The following ANKS1A variants were observed in gnomAD, a reference collection of about 807,000 sequenced individuals.
The protein encoded by ANKS1A is ankyrin repeat and SAM domain-containing protein 1A.
ANKS1A carries 55 observed loss-of-function variants against 120.3 expected under a neutral mutation model. The ratio of observed to expected loss-of-function variants is 0.46; its 90% CI spans 0.37 to 0.57. ANKS1A has a LOEUF of 0.57. Among genes scored for constraint, ANKS1A ranks in the 20% least tolerant of loss-of-function variants. The pLI, the probability that ANKS1A is intolerant of heterozygous loss-of-function variation, is 0.00. For synonymous variants in ANKS1A, 590 were observed against 604.7 expected, an observed-to-expected ratio of 0.98 and a Z score of 0.36; for missense variants, 1,123 against 1,480.3, an observed-to-expected ratio of 0.76 and a Z score of 3.96.
intron 1 of ANKS1A, among the ~76,000 whole-genome samples, chr6:34,962,842 T>G (rs1038501207): frequency 6.6e-6 from 1 of 151,016 alleles, no homozygotes; most frequent in Non-Finnish European, 1.5e-5. Flanking sequence ...ACTTAGTGCT[T>G]TTTTCTTTCT....
chr6:34,905,562 C>T (rs911218816), intron 1 of ANKS1A, among the ~76,000 whole-genome samples: 8 of 152,212 alleles, frequency 5.3e-5, no homozygotes, highest in African/African-American at 1.4e-4. Context: ...CACAACATGC[C>T]TGCAAGATAA....
chr6:34,937,981 T>A (rs1428458657), intron 1 of ANKS1A, among the ~76,000 whole-genome samples: 2 of 148,982 alleles, frequency 1.3e-5, no homozygotes, highest in Non-Finnish European at 3.0e-5. Flanking sequence ...TTCCACAGCT[T>A]CTCCCACCCT....
intron 3 of ANKS1A, among the ~76,000 whole-genome samples, chr6:34,971,895 C>A (rs577999920): frequency 8.5e-5 from 13 of 152,194 alleles, no homozygotes; most frequent in Admixed American, 2.6e-4. Context: ...CATTTAAAAT[C>A]ATCAGTGAGG....
At chr6:34,925,362 G>A (rs1768657623) in intron 1 of ANKS1A, among the ~76,000 whole-genome samples, 1 of 152,194 alleles carries the variant, frequency 6.6e-6, no homozygotes, top group South Asian at 2.1e-4. Context: ...TGACATCAAG[G>A]GTGAGGGGAA....
intron 3 of ANKS1A, among the ~76,000 whole-genome samples, chr6:34,971,686 C>G (rs965811288): frequency 6.6e-6 from 1 of 152,218 alleles, no homozygotes; most frequent in African/African-American, 2.4e-5. Context: ...GCAAGTCCAT[C>G]TGTCAGGAGA....
At chr6:34,969,509 C>A (rs1771074398) in intron 2 of ANKS1A, among the ~76,000 whole-genome samples, 1 of 152,230 alleles carries the variant, frequency 6.6e-6, no homozygotes, top group Admixed American at 6.5e-5. Flanking sequence ...CCCGCCTCAG[C>A]CTTCCAAAGT....
chr6:34,921,047 A>G (rs759350996), intron 1 of ANKS1A, among the ~76,000 whole-genome samples: 3 of 152,268 alleles, frequency 2.0e-5, no homozygotes, highest in Non-Finnish European at 4.4e-5. Context: ...ATGCAGGCAG[A>G]TAAGGATTAT....
At chr6:34,926,008 A>G (rs1768698045) in intron 1 of ANKS1A, among the ~76,000 whole-genome samples, 1 of 152,226 alleles carries the variant, frequency 6.6e-6, no homozygotes, top group Non-Finnish European at 1.5e-5. Flanking sequence ...CAGGAATGGA[A>G]TTCAAGTTAG....
intron 10 of ANKS1A, 94 bp downstream of exon 10, chr6:34,994,516 A>G: frequency 2.0e-5 from 30 of 1,522,794 alleles, no homozygotes; most frequent in Non-Finnish European, 2.6e-5. Flanking sequence ...TAACTATGAT[A>G]TTCCTTGGGT....
chr6:34,987,654 TATGGG>T (rs1376365115), intron 8 of ANKS1A, among the ~76,000 whole-genome samples: 1 of 152,256 alleles, frequency 6.6e-6, no homozygotes, highest in Non-Finnish European at 1.5e-5. Context: ...TTCCAGGGTC[TATGGG>T]AATGACCGAC....
At chr6:35,043,892 T>C (rs965201429) in intron 11 of ANKS1A, among the ~76,000 whole-genome samples, 1 of 152,208 alleles carries the variant, frequency 6.6e-6, no homozygotes, top group African/African-American at 2.4e-5. Context: ...TGAAGCAATC[T>C]GAGTATAGAT....
At chr6:35,092,264 T>C (rs1165860209), downstream of ANKS1A, among the ~76,000 whole-genome samples, 1 of 152,234 alleles carries the variant, frequency 6.6e-6, no homozygotes, top group Non-Finnish European at 1.5e-5. Flanking sequence ...AACGCTTTTA[T>C]TCCTGAGTTT....
chr6:35,046,596 C>T (rs547730849), intron 11 of ANKS1A, among the ~76,000 whole-genome samples: 4 of 152,286 alleles, frequency 2.6e-5, no homozygotes, highest in Non-Finnish European at 2.9e-5. Flanking sequence ...TTTTGCTGTA[C>T]GTGCTTTATT....
At chr6:35,062,509 G>C (rs1185421581) in intron 13 of ANKS1A, among the ~76,000 whole-genome samples, 1 of 152,188 alleles carries the variant, frequency 6.6e-6, no homozygotes, top group Non-Finnish European at 1.5e-5. Context: ...GTTTCCCTTG[G>C]TTCTGAAATG....
intron 1 of ANKS1A, among the ~76,000 whole-genome samples, chr6:34,926,322 T>C (rs142808922): frequency 1.3e-5 from 2 of 152,118 alleles, no homozygotes; most frequent in African/African-American, 4.8e-5. Flanking sequence ...GCATGGGAAA[T>C]TTTCCTGTGG....
rs1291598429 is a variant in ANKS1A, at chr6:35,060,532, CT to C, written c.2184+280del. Among the ~76,000 whole-genome samples, 3 of 152,214 alleles carry C rather than the reference CT, an allele frequency of 2.0e-5. No homozygotes were observed. The highest frequency in any genetic ancestry group is 4.4e-5 in the Non-Finnish European group (3 of 68,038). On this transcript the variant is annotated intron_variant, in intron 13 of 23. Coordinates refer to ENST00000360359, the MANE Select transcript of ANKS1A (RefSeq NM_015245.3). This position sits in a 1 kb window ranked among gnomAD's most constrained non-coding sequence, Gnocchi z 4.5. ...GGTCCCTGATTCAGCCCTGTGTCCC[CT>C]CCCTGGCTGTGTATCCCATCAAGGC... is the stretch of plus-strand genomic sequence containing the variant.
chr6:35,011,196 G>A (rs928517187), intron 10 of ANKS1A, among the ~76,000 whole-genome samples: 5 of 152,200 alleles, frequency 3.3e-5, no homozygotes, highest in African/African-American at 1.2e-4. Context: ...GCTGAGTTAG[G>A]TGAATTGGTA....
intron 1 of ANKS1A, among the ~76,000 whole-genome samples, chr6:34,898,789 A>G (rs1386934830): frequency 6.6e-6 from 1 of 152,020 alleles, no homozygotes; most frequent in African/African-American, 2.4e-5. Flanking sequence ...CACGAACTAT[A>G]TTGTGAAAAC....
chr6:34,985,230 G>A lies in ANKS1A; in HGVS notation c.1161G>A (p.Thr387=), dbSNP rs775336593. ...GGCGATCATCTGACCAAGACTCCACGAACAAGGAGGCTGAGGCAGCAGGAG... is the reference window on the plus strand; with the variant it reads ...GGCGATCATCTGACCAAGACTCCACAAACAAGGAGGCTGAGGCAGCAGGAG... ...ASGRSSDQDS[T]NKEAEAAGVK... Residue 387 remains threonine, a synonymous_variant, in exon 8 of 24, where the codon ACG becomes ACA. Transcript: ENST00000360359. 46 of 1,614,018 alleles carry A rather than the reference G, an allele frequency of 2.9e-5. No homozygotes were observed. The highest frequency in any genetic ancestry group is 1.6e-4 in the Middle Eastern group (1 of 6,072).
Sources: gnomAD v4.1 joint callset for allele counts (sites outside exome capture counted in the v4.1 genomes callset) on GRCh38, gnomAD v4.1.1 for gene constraint, Gnocchi (gnomAD v3.1) non-coding constraint, MANE v1.5 for transcripts, NCBI Gene and HGNC (gene_info 2026-07-23, HGNC 2026-07-21) for gene names.